Variants in SCN11A observed in about 807,000 individuals in gnomAD.
The protein encoded by SCN11A is sodium voltage-gated channel alpha subunit 11.
Under a neutral mutation model 162.2 loss-of-function variants are expected in SCN11A, and 122 were observed. The ratio of observed to expected loss-of-function variants is 0.75; its 90% CI spans 0.65 to 0.87. The LOEUF (loss-of-function observed/expected upper bound fraction) is 0.87. Ranked by LOEUF, SCN11A falls within the 40% of genes least tolerant of loss-of-function variation. The pLI, the probability that SCN11A is intolerant of heterozygous loss-of-function variation, is 0.00. For synonymous variants in SCN11A, 758 were observed against 751.5 expected, an observed-to-expected ratio of 1.01 and a Z score of -0.14; for missense variants, 2,015 against 2,181.6, an observed-to-expected ratio of 0.92 and a Z score of 1.52.
Position 38,909,181 on chromosome 3 carries a change from G to A in SCN11A, c.1115C>T (p.Thr372Ile). The A allele has an allele frequency of 2.5e-6, 4 of 1,614,040 alleles. No individual in the cohort carries two copies. Among genetic ancestry groups the A allele is most frequent in the Non-Finnish European group, 2.5e-6 (3 of 1,179,922 alleles). Residue 372 changes from threonine to isoleucine, a missense_variant, in exon 13 of 30, where the codon ACT (threonine) becomes ATT (isoleucine). Physicochemically the swap from Thr to Ile is moderately conservative, Grantham distance 89 (BLOSUM62 -1). Transcript: ENST00000302328. ...EKLYQQTLRT[T>I]GLYSVFFFIV... ...GAAGAAGAAGACTGAGTAGAGCCCA[G>A]TAGTACGCAGGGTCTGCAAAGGACA...
At chr3:38,926,690 G>T in intron 8 of SCN11A, 113 bp downstream of exon 8, 3 of 1,066,402 alleles carry the variant, frequency 2.8e-6, no homozygotes, top group South Asian at 1.6e-5. Flanking sequence ...AGAGCTCTAG[G>T]CATTACTAGG....
chr3:38,965,479 G>A (rs2066775999), intron 2 of SCN11A, among the ~76,000 whole-genome samples: 1 of 152,062 alleles, frequency 6.6e-6, no homozygotes, highest in African/African-American at 2.4e-5. Context: ...CCATCATGAA[G>A]GCCTTCACAA....
At chr3:38,852,215 C>T (rs2064793674) in intron 28 of SCN11A, among the ~76,000 whole-genome samples, 1 of 152,066 alleles carries the variant, frequency 6.6e-6, no homozygotes, top group Non-Finnish European at 1.5e-5. Flanking sequence ...GAGGACACTA[C>T]ATTTCAGTTG....
At chr3:38,984,384 T>A (rs1454427227) in intron 2 of SCN11A, among the ~76,000 whole-genome samples, 1 of 152,242 alleles carries the variant, frequency 6.6e-6, no homozygotes, top group Non-Finnish European at 1.5e-5. Flanking sequence ...GTTTCTGTTG[T>A]TTGCAACCCA....
At chr3:38,938,488 A>G (rs2066373041) in intron 7 of SCN11A, among the ~76,000 whole-genome samples, 1 of 140,176 alleles carries the variant, frequency 7.1e-6, no homozygotes, top group African/African-American at 2.5e-5. Flanking sequence ...AGAAAATAAA[A>G]GAAGGCAGAA....
intron 1 of SCN11A, among the ~76,000 whole-genome samples, chr3:39,041,817 CAAAGATAAATTAGAG>C (rs1196175252): frequency 2.0e-5 from 3 of 152,138 alleles, no homozygotes; most frequent in African/African-American, 7.2e-5. Context: ...TTTATCACTG[CAAAGATAAATTAGAG>C]AAAGAAAAGA....
At chr3:38,974,339 A>T (rs1428697013) in intron 2 of SCN11A, among the ~76,000 whole-genome samples, 3 of 152,198 alleles carry the variant, frequency 2.0e-5, no homozygotes, top group Non-Finnish European at 4.4e-5. Context: ...AAAATATGGC[A>T]CAGGAATACA....
chr3:38,891,530 C>A lies in SCN11A; in HGVS notation c.2835+3003G>T, dbSNP rs2065499860. Among the ~76,000 whole-genome samples, 5 of 152,148 alleles carry A rather than the reference C, an allele frequency of 3.3e-5. No homozygotes were observed. In the South Asian group the frequency reaches 1.0e-3, roughly 32 times the overall value. On this transcript the variant is annotated intron_variant, in intron 19 of 29. Coordinates refer to ENST00000302328, the MANE Select transcript of SCN11A (RefSeq NM_001349253.2). Reference sequence around the variant, plus strand: ...AAAACATTAATCTACACGTCTTAGTCCAATTTATGCTGCTATAATAGAATT... The same window carrying A: ...AAAACATTAATCTACACGTCTTAGTACAATTTATGCTGCTATAATAGAATT...
At chr3:38,858,680 A>G (rs1164799520) in intron 28 of SCN11A, among the ~76,000 whole-genome samples, 2 of 152,204 alleles carry the variant, frequency 1.3e-5, no homozygotes, top group Non-Finnish European at 2.9e-5. Context: ...ATATTTACAG[A>G]ACATTCTACC....
chr3:38,944,693 G>T (rs1037812466), intron 7 of SCN11A, among the ~76,000 whole-genome samples: 7 of 151,282 alleles, frequency 4.6e-5, no homozygotes, highest in Admixed American at 1.3e-4. Context: ...GCGTGCAGTG[G>T]CTCACGCCTG....
At position 38,847,106 on chromosome 3, in the gene SCN11A, T is replaced by C. The variant is rs1397294919; in HGVS notation, c.4964A>G (p.Glu1655Gly). ...ATTTGGCTTTGCGACACGCAAAGGC[T>C]CAGGCAAGGCATCAGCAAAGTCAGA... is the stretch of plus-strand genomic sequence containing the variant. ...ALSDFADALP[E>G]PLRVAKPNKY... The change falls in exon 30 of 30, where the codon GAG (glutamate) becomes GGG (glycine). Residue 1655 changes from glutamate (E) to glycine (G), a missense_variant. Transcript: ENST00000302328. 1.2e-6 allele frequency: 2 copies of C among 1,614,194 alleles called. No homozygotes were observed. The highest frequency in any genetic ancestry group is 1.3e-5 in the African/African-American group (1 of 75,052).
At chr3:39,000,552 C>G (rs912345679) in intron 2 of SCN11A, among the ~76,000 whole-genome samples, 1 of 152,114 alleles carries the variant, frequency 6.6e-6, no homozygotes, top group Non-Finnish European at 1.5e-5. Context: ...TTCTTCTGTG[C>G]TTTTAGATCA....
chr3:38,877,134 CT>C (rs2065228039), intron 23 of SCN11A, among the ~76,000 whole-genome samples: 94 of 36,310 alleles, frequency 2.6e-3, no homozygotes, highest in African/African-American at 5.0e-3. Context: ...GGTGTATATA[CT>C]ATATATATGG....
chr3:38,933,149 C>A (rs2125560723), intron 7 of SCN11A, among the ~76,000 whole-genome samples: 1 of 152,344 alleles, frequency 6.6e-6, no homozygotes, highest in South Asian at 2.1e-4. Context: ...TCCAACAGAC[C>A]TGCAGCTGAG....
intron 2 of SCN11A, among the ~76,000 whole-genome samples, chr3:39,011,148 C>T (rs56035716): frequency 0.082 from 12,541 of 152,160 alleles, 729 homozygotes; most frequent in African/African-American, 0.16. Context: ...GCTTAAGACC[C>T]GACCTCCCTG....
chr3:38,847,564 A>C lies in SCN11A; in HGVS notation c.4506T>G (p.Leu1502=). 2 of 1,614,218 alleles carry C rather than the reference A, an allele frequency of 1.2e-6. No individual in the cohort carries two copies. Among genetic ancestry groups the C allele is most frequent in the Non-Finnish European group, 1.7e-6 (2 of 1,180,036 alleles). ...AGATAAACATAATCAGAAAGAGTAG[A>C]AGACCAATGTTGAACAGAGAAGGAA... is the stretch of plus-strand genomic sequence containing the variant. ...MSLPSLFNIG[L]LLFLIMFIYA... is the part of the protein sequence containing the mutation. The change falls in exon 30 of 30, where the codon CTT becomes CTG. Residue 1502 remains leucine (L), a synonymous_variant. Transcript: ENST00000302328.
At chr3:38,854,568 G>A (rs776836773) in intron 28 of SCN11A, among the ~76,000 whole-genome samples, 14 of 152,268 alleles carry the variant, frequency 9.2e-5, no homozygotes, top group African/African-American at 1.4e-4. Context: ...AAGAACCACC[G>A]CAGGAACGTA....
intron 13 of SCN11A, 119 bp downstream of exon 13, chr3:38,908,878 A>C (rs1020947121): frequency 2.5e-6 from 2 of 787,118 alleles, no homozygotes; most frequent in Non-Finnish European, 4.3e-6. Flanking sequence ...GAAAAGCACC[A>C]GTAGAGAAAG....
rs1048321737 is a variant in SCN11A, at chr3:38,978,683, G to A, written c.-279-18260C>T. Reference sequence around the variant, plus strand: ...TAATAACTCTTTTCATAAACAGAAAGTAATATAAAGTGAAATGAAGATAAT... The same window carrying A: ...TAATAACTCTTTTCATAAACAGAAAATAATATAAAGTGAAATGAAGATAAT... On this transcript the variant is annotated intron_variant, in intron 2 of 29. Transcript: ENST00000302328. 2.0e-5 allele frequency among the ~76,000 whole-genome samples: 3 copies of A among 152,082 alleles called. No individual in the cohort carries two copies. In the East Asian group the frequency reaches 5.8e-4, roughly 29 times the overall value.
Sources: allele counts gnomAD v4.1 joint callset (sites outside exome capture counted in the v4.1 genomes callset), GRCh38; gene constraint gnomAD v4.1.1; transcripts MANE v1.5; gene names NCBI Gene and HGNC (gene_info 2026-07-23, HGNC 2026-07-21).